Variants in PDE4D observed in about 807,000 individuals in gnomAD.
PDE4D encodes phosphodiesterase 4D.
In PDE4D, 24 loss-of-function variants were observed where a neutral mutation model predicts 87.4. The observed-to-expected ratio is 0.27, with a 90% CI of 0.20 to 0.39. The LOEUF (loss-of-function observed/expected upper bound fraction) is 0.39. Among genes scored for constraint, PDE4D ranks in the 10% least tolerant of loss-of-function variants. PDE4D has a pLI of 1.00. For missense variants in PDE4D, 714 were observed against 1,041.0 expected (o/e 0.69, Z 4.32); for synonymous variants, 384 against 383.2 (o/e 1.00, Z -0.02).
intron 2 of PDE4D, among the ~76,000 whole-genome samples, chr5:59,212,449 A>G (rs921238776): frequency 6.6e-6 from 1 of 152,104 alleles, no homozygotes; most frequent in Admixed American, 6.6e-5. Context: ...AGCAAAATAT[A>G]GTGTTGACTC....
intron 2 of PDE4D, among the ~76,000 whole-genome samples, chr5:60,152,602 G>A (rs2962963): frequency 0.14 from 21,618 of 150,252 alleles, 1,628 homozygotes; most frequent in Middle Eastern, 0.22. Flanking sequence ...GCAGTGAGCC[G>A]AGATTGCACC....
chr5:60,127,749 G>A, intron 2 of PDE4D: 1 of 538,326 alleles, frequency 1.9e-6, no homozygotes, highest in East Asian at 3.0e-5. Context: ...AACACTCAAT[G>A]GAAGATATTG....
At chr5:59,755,781 G>A (rs867787733) in intron 1 of PDE4D, among the ~76,000 whole-genome samples, 1 of 151,552 alleles carries the variant, frequency 6.6e-6, no homozygotes, top group Non-Finnish European at 1.5e-5. Context: ...GTAATCTTAA[G>A]TCAGAAAGTT....
chr5:59,641,172 C>T lies in PDE4D; in HGVS notation c.455+251996G>A, dbSNP rs115274038. Reference sequence around the variant, plus strand: ...CAGAAGAAATCTAACCAAAATAGCACAAAAATATTCTGACCAAACTCAGTT... The same window carrying T: ...CAGAAGAAATCTAACCAAAATAGCATAAAAATATTCTGACCAAACTCAGTT... On this transcript the variant is annotated intron_variant, in intron 1 of 14. Transcript: ENST00000340635. Among the ~76,000 whole-genome samples, 337 of 152,172 alleles carry T rather than the reference C, an allele frequency of 2.2e-3. 1 individual carries two copies. Among genetic ancestry groups the T allele is most frequent in the African/African-American group, 7.2e-3 (301 of 41,522 alleles).
chr5:59,629,929 CCTTGA>C (rs1413968631), intron 1 of PDE4D, among the ~76,000 whole-genome samples: 8 of 152,030 alleles, frequency 5.3e-5, no homozygotes, highest in Admixed American at 3.9e-4. Flanking sequence ...TCTTTTACTA[CCTTGA>C]CTTATCTAAA....
chr5:59,829,256 C>A (rs1056394072), intron 1 of PDE4D, among the ~76,000 whole-genome samples: 1 of 151,788 alleles, frequency 6.6e-6, no homozygotes, highest in African/African-American at 2.4e-5. Context: ...AGAATAGATA[C>A]TTTTTTTGGT....
rs558593462 is a variant in PDE4D, at chr5:59,261,831, G to A, written c.456-45863C>T. Among the ~76,000 whole-genome samples, 40 of 151,870 alleles carry A rather than the reference G, an allele frequency of 2.6e-4. No homozygotes were observed. In the South Asian group the frequency reaches 8.1e-3, roughly 31 times the overall value. On this transcript the variant is annotated intron_variant, in intron 1 of 14. Transcript: ENST00000340635. ...CACAGCCTTGTTAGGAGGTGATTAA[G>A]TAAACAATTTACCTAGAATAAAAAT...
chr5:59,810,562 C>A (rs138790457), intron 1 of PDE4D, among the ~76,000 whole-genome samples: 9 of 152,282 alleles, frequency 5.9e-5, no homozygotes, highest in Admixed American at 1.3e-4. Flanking sequence ...CAGGTTAGTC[C>A]TTTGGTCTAG....
chr5:59,819,832 C>T (rs1046530104), intron 1 of PDE4D, among the ~76,000 whole-genome samples: 1 of 152,286 alleles, frequency 6.6e-6, no homozygotes, highest in South Asian at 2.1e-4. Flanking sequence ...AGTTTTCAGG[C>T]AAGCGTGTGC....
intron 1 of PDE4D, among the ~76,000 whole-genome samples, chr5:60,487,403 TTA>T (rs1342640376): frequency 6.6e-6 from 1 of 152,212 alleles, no homozygotes; most frequent in African/African-American, 2.4e-5. Context: ...TAAAAATGTT[TTA>T]GTTATTCATA....
At chr5:59,312,228 G>A (rs571620425) in intron 1 of PDE4D, among the ~76,000 whole-genome samples, 55 of 152,318 alleles carry the variant, frequency 3.6e-4, no homozygotes, top group African/African-American at 1.3e-3. Context: ...AAGGCTCATA[G>A]AGGGCTTCCC....
At position 58,996,620 on chromosome 5, in the gene PDE4D, G is replaced by A. The variant is rs143101874; in HGVS notation, c.922-3155C>T. The stretch of plus-strand genomic sequence containing the variant: ...CTTCTGGGAGTGATTGATAAAGATA[G>A]ATAGAGACCCAGTTATCACAGGTTT... On this transcript the variant is annotated intron_variant, in intron 6 of 14. Transcript: ENST00000340635. 5.2e-3 allele frequency among the ~76,000 whole-genome samples: 790 copies of A among 152,260 alleles called. 10 individuals are homozygous for A. Among genetic ancestry groups the A allele is most frequent in the Admixed American group, 0.029 (436 of 15,290 alleles).
At chr5:59,806,663 C>G (rs946171938) in intron 1 of PDE4D, among the ~76,000 whole-genome samples, 2 of 152,130 alleles carry the variant, frequency 1.3e-5, no homozygotes, top group East Asian at 3.8e-4. Flanking sequence ...AGAAAGATGA[C>G]TATTAAAATT....
At chr5:59,197,278 A>G (rs1186736591) in intron 2 of PDE4D, among the ~76,000 whole-genome samples, 2 of 152,186 alleles carry the variant, frequency 1.3e-5, no homozygotes, top group Non-Finnish European at 2.9e-5. Flanking sequence ...TACAATATTT[A>G]TGATAATTTA....
chr5:59,910,870 C>T (rs1163906773), intron 3 of PDE4D, among the ~76,000 whole-genome samples: 2 of 152,136 alleles, frequency 1.3e-5, no homozygotes, highest in Non-Finnish European at 2.9e-5. Context: ...TTAGGATCCA[C>T]AAAACAGACT....
chr5:59,096,713 C>CA (rs1268951229), intron 5 of PDE4D, among the ~76,000 whole-genome samples: 1 of 151,992 alleles, frequency 6.6e-6, no homozygotes, highest in East Asian at 1.9e-4. Flanking sequence ...GAAAACAAAA[C>CA]AAAAAACAAA....
intron 1 of PDE4D, among the ~76,000 whole-genome samples, chr5:60,514,689 G>A (rs905804450): frequency 6.6e-6 from 1 of 151,666 alleles, no homozygotes; most frequent in African/African-American, 2.4e-5. Context: ...CTCTTTAAAT[G>A]TAATAAAAGG....
chr5:59,628,873 A>G (rs1453612035), intron 1 of PDE4D, among the ~76,000 whole-genome samples: 1 of 152,198 alleles, frequency 6.6e-6, no homozygotes, highest in African/African-American at 2.4e-5. Flanking sequence ...AAGAGGTTTA[A>G]TTGACTCACA....
chr5:59,257,046 C>A (rs767656799), intron 1 of PDE4D, among the ~76,000 whole-genome samples: 1 of 151,982 alleles, frequency 6.6e-6, no homozygotes, highest in Non-Finnish European at 1.5e-5. Context: ...TAAAGTGATA[C>A]ATACATCTTT....
Sources: allele counts gnomAD v4.1 joint callset (sites outside exome capture counted in the v4.1 genomes callset), GRCh38; gene constraint gnomAD v4.1.1; transcripts MANE v1.5; gene names NCBI Gene and HGNC (gene_info 2026-07-23, HGNC 2026-07-21).